Variants in MINDY4 observed in about 807,000 individuals in gnomAD.
MINDY4 encodes MINDY lysine 48 deubiquitinase 4.
MINDY4 carries 68 observed loss-of-function variants against 87.0 expected under a neutral mutation model. That is an observed-to-expected ratio of 0.78 (90% confidence interval 0.64 to 0.96). The LOEUF (loss-of-function observed/expected upper bound fraction) is 0.96. MINDY4 is among the 40% of genes least tolerant of loss of function. The pLI, the probability that MINDY4 is intolerant of heterozygous loss-of-function variation, is 0.00. For missense variants in MINDY4, 919 were observed against 928.2 expected (o/e 0.99, Z 0.13); for synonymous variants, 379 against 363.2 (o/e 1.04, Z -0.50).
chr7:30,857,296 C>T (rs1283101761), intron 12 of MINDY4, among the ~76,000 whole-genome samples: 1 of 152,146 alleles, frequency 6.6e-6, no homozygotes, highest in Non-Finnish European at 1.5e-5. Context: ...TTCCTTGATA[C>T]TCCCTCCCCG....
chr7:30,782,693 A>T (rs968387800), intron 3 of MINDY4, among the ~76,000 whole-genome samples: 1 of 151,776 alleles, frequency 6.6e-6, no homozygotes, highest in African/African-American at 2.4e-5. Flanking sequence ...ATGGAGTGAG[A>T]CCCTGTCTCT....
At chr7:30,819,848 C>T (rs1268835221) in intron 5 of MINDY4, among the ~76,000 whole-genome samples, 1 of 148,638 alleles carries the variant, frequency 6.7e-6, no homozygotes, top group African/African-American at 2.5e-5. Flanking sequence ...CCATGCTTTA[C>T]TGTTAAGCTT....
chr7:30,812,737 G>A (rs1487979482), intron 5 of MINDY4, among the ~76,000 whole-genome samples: 1 of 152,204 alleles, frequency 6.6e-6, no homozygotes, highest in Non-Finnish European at 1.5e-5. Context: ...GCCCTGGGAA[G>A]CTGATTCCCA....
intron 17 of MINDY4, among the ~76,000 whole-genome samples, chr7:30,884,404 G>T (rs914854664): frequency 3.9e-5 from 6 of 152,214 alleles, no homozygotes; most frequent in Admixed American, 3.3e-4. Flanking sequence ...AAGGGCACCT[G>T]CAGGTCGCTT....
intron 4 of MINDY4, among the ~76,000 whole-genome samples, chr7:30,789,715 T>C (rs1216356732): frequency 6.6e-6 from 1 of 152,172 alleles, no homozygotes; most frequent in Non-Finnish European, 1.5e-5. Context: ...CTTATTCCAG[T>C]CCAGGCTTTA....
At chr7:30,852,391 A>G (rs1789439621) in intron 11 of MINDY4, 112 bp downstream of exon 11, 1 of 1,547,228 alleles carries the variant, frequency 6.5e-7, no homozygotes, top group Non-Finnish European at 8.7e-7. Context: ...TCCGCAGCCC[A>G]GGTCCCAGGA....
At chr7:30,859,357 T>G in intron 13 of MINDY4, 33 bp downstream of exon 13, 1 of 1,602,344 alleles carries the variant, frequency 6.2e-7, no homozygotes, top group African/African-American at 1.3e-5. Context: ...TCCCTGGGGC[T>G]GGGCTGGTCT....
At chr7:30,887,506 A>G (rs1562568053) in intron 17 of MINDY4, among the ~76,000 whole-genome samples, 1 of 152,254 alleles carries the variant, frequency 6.6e-6, no homozygotes, top group Non-Finnish European at 1.5e-5. Context: ...AGGAGGAATC[A>G]GGTGGTGGCA....
chr7:30,775,273 A>G (rs1201054334), intron 1 of MINDY4, among the ~76,000 whole-genome samples: 3 of 152,178 alleles, frequency 2.0e-5, no homozygotes, highest in Non-Finnish European at 2.9e-5. Context: ...CCAACTAGCT[A>G]TAAATTGAGG....
intron 9 of MINDY4, among the ~76,000 whole-genome samples, chr7:30,842,861 T>A (rs1425557314): frequency 1.3e-5 from 2 of 152,182 alleles, no homozygotes; most frequent in Non-Finnish European, 2.9e-5. Flanking sequence ...TCCTGAGCCC[T>A]CAGGCTCTGT....
At chr7:30,858,498 T>G (rs1484899395) in intron 12 of MINDY4, 1 of 151,992 alleles carries the variant, frequency 6.6e-6, no homozygotes, top group Non-Finnish European at 1.5e-5. Flanking sequence ...GGACACCAGC[T>G]CCAAACCAGA....
chr7:30,775,806 A>C (rs537797969), intron 1 of MINDY4, among the ~76,000 whole-genome samples: 1 of 152,290 alleles, frequency 6.6e-6, no homozygotes, highest in South Asian at 2.1e-4. Context: ...ACACAGAACA[A>C]ATATATATTT....
chr7:30,778,800 C>T (rs1351957133), intron 2 of MINDY4, among the ~76,000 whole-genome samples: 1 of 152,202 alleles, frequency 6.6e-6, no homozygotes, highest in Non-Finnish European at 1.5e-5. Flanking sequence ...TTGAACAGAG[C>T]CTGTGGCAGT....
At chr7:30,879,905 T>C (rs1245738787) in intron 15 of MINDY4, among the ~76,000 whole-genome samples, 1 of 150,524 alleles carries the variant, frequency 6.6e-6, no homozygotes, top group African/African-American at 2.5e-5. Context: ...TGTGTCAGAC[T>C]TTGACACACC....
At chr7:30,858,298 C>A (rs1362654778) in intron 12 of MINDY4, 2 of 152,196 alleles carry the variant, frequency 1.3e-5, no homozygotes, top group African/African-American at 4.8e-5. Flanking sequence ...ACACAGGTGC[C>A]AGGCCCTGTT....
At chr7:30,860,726 A>G (rs1789732985) in intron 13 of MINDY4, among the ~76,000 whole-genome samples, 1 of 152,110 alleles carries the variant, frequency 6.6e-6, no homozygotes, top group South Asian at 2.1e-4. Context: ...ATGCTCCTGC[A>G]TGTAGCCCTG....
chr7:30,798,251 C>T (rs1787550172), intron 5 of MINDY4, among the ~76,000 whole-genome samples: 2 of 152,162 alleles, frequency 1.3e-5, no homozygotes, highest in South Asian at 4.1e-4. Context: ...CAATATGATA[C>T]TATAATCTTA....
intron 5 of MINDY4, among the ~76,000 whole-genome samples, chr7:30,812,858 C>T (rs937713601): frequency 1.2e-4 from 19 of 152,340 alleles, no homozygotes; most frequent in Admixed American, 3.9e-4. Flanking sequence ...CCACCCCCAT[C>T]GTGAGGCTCA....
At chr7:30,798,919 T>C (rs1052633849) in intron 5 of MINDY4, among the ~76,000 whole-genome samples, 4 of 152,214 alleles carry the variant, frequency 2.6e-5, no homozygotes, top group Admixed American at 2.0e-4. Context: ...CCTGTTACTT[T>C]TGTGCTGTGA....
Sources: allele counts gnomAD v4.1 joint callset (sites outside exome capture counted in the v4.1 genomes callset), GRCh38; gene constraint gnomAD v4.1.1; transcripts MANE v1.5; gene names NCBI Gene and HGNC (gene_info 2026-07-23, HGNC 2026-07-21).